PCNP: variants seen among roughly 807,000 people sequenced by gnomAD.
The protein encoded by PCNP is PEST proteolytic signal containing nuclear protein.
A neutral mutation model predicts 21.8 loss-of-function variants in PCNP; 6 were observed. The ratio of observed to expected loss-of-function variants is 0.28; its 90% CI spans 0.15 to 0.54. The LOEUF (loss-of-function observed/expected upper bound fraction) is 0.54, where lower values mean the gene tolerates loss of function less well. Among genes scored for constraint, PCNP ranks in the 20% least tolerant of loss-of-function variants. The pLI, the probability that PCNP is intolerant of heterozygous loss-of-function variation, is 0.95. For missense variants in PCNP, 161 were observed against 215.5 expected (o/e 0.75, Z 1.58); for synonymous variants, 67 against 73.2 (o/e 0.92, Z 0.43).
intron 2 of PCNP, 116 bp from the exon 3 acceptor site, chr3:101,585,321 A>T: frequency 3.1e-6 from 2 of 646,744 alleles, no homozygotes; most frequent in Non-Finnish European, 5.2e-6. Context: ...GTTCGTTACT[A>T]TACAAATTTC....
chr3:101,576,219 GTT>G (rs36064906), intron 1 of PCNP, among the ~76,000 whole-genome samples: 2 of 141,658 alleles, frequency 1.4e-5, no homozygotes, highest in African/African-American at 5.2e-5. Flanking sequence ...GGAAGTATAA[GTT>G]TTTTTTTTTT....
At chr3:101,585,783 A>G (rs371348111) in intron 3 of PCNP, among the ~76,000 whole-genome samples, 3 of 152,314 alleles carry the variant, frequency 2.0e-5, no homozygotes, top group African/African-American at 4.8e-5. Flanking sequence ...AGTATGTAGG[A>G]TCCAAAAAAA....
At chr3:101,582,445 G>A (rs530947262) in intron 2 of PCNP, among the ~76,000 whole-genome samples, 13 of 152,218 alleles carry the variant, frequency 8.5e-5, no homozygotes, top group African/African-American at 2.4e-4. Flanking sequence ...GTGAGACTCC[G>A]TCTCAAAAAT....
intron 3 of PCNP, among the ~76,000 whole-genome samples, chr3:101,589,408 C>G (rs956247766): frequency 9.1e-5 from 4 of 43,756 alleles, no homozygotes; most frequent in African/African-American, 2.3e-4. Context: ...GGAATGAGCT[C>G]TCTTTTTTTT....
In PCNP at chr3:101,590,219, A is replaced by G; in HGVS notation, c.359A>G (p.Glu120Gly). 2 of 1,557,314 alleles carry G rather than the reference A, an allele frequency of 1.3e-6. No individual in the cohort carries two copies. Among genetic ancestry groups the G allele is most frequent in the Non-Finnish European group, 1.8e-6 (2 of 1,129,294 alleles). Residue 120 changes from glutamate (E) to glycine (G), a missense_variant, in exon 4 of 5, where the codon GAA becomes GGA. Coordinates refer to ENST00000265260, the MANE Select transcript of PCNP (RefSeq NM_020357.3). ...TTTACTTACTTTTTTCTTTAGAGTG[A>G]ACCAGAGGAAATGCCTCCAGAAGCA... is the stretch of plus-strand genomic sequence containing the variant. ...AAAFNEDEDS[E>G]PEEMPPEAKM...
intron 4 of PCNP, among the ~76,000 whole-genome samples, chr3:101,591,186 C>CA (rs1935784834): frequency 6.6e-6 from 1 of 152,160 alleles, no homozygotes; most frequent in Non-Finnish European, 1.5e-5. Context: ...TAATTTTCTC[C>CA]ATTGTTGCTG....
At chr3:101,576,484 C>T (rs1934898148) in intron 1 of PCNP, 6 of 1,575,148 alleles carry the variant, frequency 3.8e-6, no homozygotes, top group Non-Finnish European at 4.4e-6. Flanking sequence ...ACAAGGCCTA[C>T]AGACTTATTT....
At chr3:101,575,080 C>T (rs971202496) in intron 1 of PCNP, 1 of 152,194 alleles carries the variant, frequency 6.6e-6, no homozygotes, top group Non-Finnish European at 1.5e-5. Flanking sequence ...CTTATTCTGT[C>T]CATTCCACTC....
intron 2 of PCNP, among the ~76,000 whole-genome samples, chr3:101,581,247 T>C (rs990453830): frequency 3.3e-5 from 5 of 152,148 alleles, no homozygotes; most frequent in African/African-American, 1.2e-4. Context: ...TATGTAGTTA[T>C]AAAACTTGTA....
intron 1 of PCNP, chr3:101,574,971 G>C (rs1934786653): frequency 6.6e-6 from 1 of 152,204 alleles, no homozygotes; most frequent in African/African-American, 2.4e-5. Flanking sequence ...CCCTTAGGCT[G>C]TTGCCAGCTG....
intron 1 of PCNP, 146 bp downstream of exon 1, chr3:101,574,425 C>A: frequency 9.9e-7 from 1 of 1,011,892 alleles, no homozygotes; most frequent in Non-Finnish European, 1.4e-6. Context: ...GCCTCGGGCA[C>A]GCCCGATGCG....
chr3:101,587,461 C>T (rs1935589598), intron 3 of PCNP, among the ~76,000 whole-genome samples: 1 of 151,948 alleles, frequency 6.6e-6, no homozygotes, highest in African/African-American at 2.4e-5. Context: ...TCATTCTATC[C>T]ATTTGAGTGC....
At chr3:101,586,006 A>G (rs1261332581) in intron 3 of PCNP, among the ~76,000 whole-genome samples, 3 of 151,990 alleles carry the variant, frequency 2.0e-5, no homozygotes, top group Non-Finnish European at 4.4e-5. Flanking sequence ...CCCCATCTCT[A>G]CTAAAAATAC....
At chr3:101,576,062 A>G (rs1283875570) in intron 1 of PCNP, among the ~76,000 whole-genome samples, 6 of 152,334 alleles carry the variant, frequency 3.9e-5, no homozygotes, top group Middle Eastern at 3.4e-3. Flanking sequence ...TAGGAATCAT[A>G]GTTAAAATAT....
At position 101,576,835 on chromosome 3, in the gene PCNP, C is replaced by T. The variant is rs1241675919; in HGVS notation, c.64+2556C>T. On this transcript the variant is annotated intron_variant, in intron 1 of 4. Coordinates refer to ENST00000265260, the MANE Select transcript of PCNP (RefSeq NM_020357.3). ...CCTCAACACCACATGAGCATATCTTCGGCCCACACCCTTAATGGCAGTGAT... is the reference window on the plus strand; with the variant it reads ...CCTCAACACCACATGAGCATATCTTTGGCCCACACCCTTAATGGCAGTGAT... The T allele has an allele frequency of 4.3e-6, 7 of 1,609,460 alleles. No individual in the cohort carries two copies. In the African/African-American group the frequency reaches 6.7e-5, roughly 15 times the overall value.
chr3:101,578,346 C>T (rs1935042005), intron 1 of PCNP, among the ~76,000 whole-genome samples: 2 of 152,180 alleles, frequency 1.3e-5, no homozygotes, highest in Admixed American at 6.5e-5. Flanking sequence ...TTGCATCATA[C>T]TCTTTCAGAG....
chr3:101,594,011 G>T lies in PCNP; in HGVS notation c.*1258G>T, dbSNP rs1478805916. On this transcript the variant is annotated 3_prime_UTR_variant, in exon 5 of 5. Coordinates refer to ENST00000265260, the MANE Select transcript of PCNP (RefSeq NM_020357.3). Reference sequence around the variant, plus strand: ...GCATAGTCACAGACAAAAGCATACAGTATAAAAATTTCCTTGAAAACTCCT... The same window carrying T: ...GCATAGTCACAGACAAAAGCATACATTATAAAAATTTCCTTGAAAACTCCT... The T allele has an allele frequency of 3.3e-5, 5 of 152,574 alleles. No individual in the cohort carries two copies. The highest frequency in any genetic ancestry group is 1.3e-4 in the Admixed American group (2 of 15,270). The allele number at this position is 152,574 out of a possible 1,614,324, so 9.5% of individuals were successfully genotyped here. A position where few individuals can be genotyped will look rare whatever the true frequency, so the allele number is the denominator to read the frequency against.
chr3:101,586,708 C>T (rs1935547813), intron 3 of PCNP, among the ~76,000 whole-genome samples: 1 of 150,408 alleles, frequency 6.6e-6, no homozygotes, highest in African/African-American at 2.4e-5. Flanking sequence ...AAGTGATCCT[C>T]CCACCTCAGC....
intron 3 of PCNP, 38 bp downstream of exon 3, chr3:101,585,549 A>T: frequency 7.5e-7 from 1 of 1,340,714 alleles, no homozygotes; most frequent in Non-Finnish European, 1.1e-6. Flanking sequence ...TACTTTAACC[A>T]GTTATTTAAG....
Sources: gnomAD v4.1 joint callset for allele counts (sites outside exome capture counted in the v4.1 genomes callset) on GRCh38, gnomAD v4.1.1 for gene constraint, MANE v1.5 for transcripts, NCBI Gene and HGNC (gene_info 2026-07-23, HGNC 2026-07-21) for gene names.